NPAS3: variants seen among roughly 807,000 people sequenced by gnomAD.
NPAS3 encodes the protein neuronal PAS domain protein 3.
A neutral mutation model predicts 73.1 loss-of-function variants in NPAS3; 14 were observed. The ratio of observed to expected loss-of-function variants is 0.19; its 90% CI spans 0.13 to 0.30. The LOEUF is 0.30. Among genes scored for constraint, NPAS3 ranks in the 10% least tolerant of loss-of-function variants. The probability of loss-of-function intolerance (pLI) is 1.00; values close to 1 mark genes in which losing one functional copy is unlikely to be tolerated. For synonymous variants in NPAS3, 620 were observed against 541.5 expected (o/e 1.14, Z -2.01); for missense variants, 1,096 against 1,250.0 (o/e 0.88, Z 1.86).
chr14:33,330,615 T>C (rs1173156176), intron 3 of NPAS3, among the ~76,000 whole-genome samples: 1 of 152,228 alleles, frequency 6.6e-6, no homozygotes, highest in Non-Finnish European at 1.5e-5. Context: ...TATCTGAAAG[T>C]ATAAAATAAG....
At chr14:33,209,712 G>T (rs2046961062) in intron 2 of NPAS3, among the ~76,000 whole-genome samples, 1 of 152,182 alleles carries the variant, frequency 6.6e-6, no homozygotes, top group Non-Finnish European at 1.5e-5. Context: ...ATAAAAACCT[G>T]TCTGTCTGGC....
intron 5 of NPAS3, among the ~76,000 whole-genome samples, chr14:33,636,559 G>A (rs563450043): frequency 1.3e-3 from 195 of 152,278 alleles, no homozygotes; most frequent in African/African-American, 4.5e-3. Context: ...ACTCACTTAC[G>A]TGGTATGTGG....
intron 3 of NPAS3, among the ~76,000 whole-genome samples, chr14:33,348,278 T>C (rs1594746567): frequency 6.6e-6 from 1 of 152,250 alleles, no homozygotes; most frequent in African/African-American, 2.4e-5. Context: ...CTCTCTCCCT[T>C]CCCACCATGG....
intron 6 of NPAS3, among the ~76,000 whole-genome samples, chr14:33,729,615 T>A (rs746119281): frequency 6.6e-6 from 1 of 152,142 alleles, no homozygotes; most frequent in Non-Finnish European, 1.5e-5. Context: ...GTAGGAAGCC[T>A]CAGTTCCTTG....
intron 1 of NPAS3, among the ~76,000 whole-genome samples, chr14:32,988,222 A>G (rs2038174273): frequency 6.6e-6 from 1 of 152,268 alleles, no homozygotes; most frequent in African/African-American, 2.4e-5. Flanking sequence ...CTTAATCATG[A>G]TATAATAGAT....
rs1302480517 is a variant in NPAS3, at chr14:33,480,420, GA to G, written c.469-79697del. On this transcript the variant is annotated intron_variant, in intron 4 of 11. Transcript: ENST00000356141. ...CAAGTTACAGTCTGGGATTAGTTCTGAAAAGGCAGAAGATTTTTCTGTTCCA... is the reference window on the plus strand; with the variant it reads ...CAAGTTACAGTCTGGGATTAGTTCTGAAAGGCAGAAGATTTTTCTGTTCCA... Among the ~76,000 whole-genome samples the G allele has an allele frequency of 2.6e-5, 4 of 152,248 alleles. No individual in the cohort carries two copies. The East Asian group carries it at 7.7e-4, about 29-fold the overall frequency.
intron 1 of NPAS3, among the ~76,000 whole-genome samples, chr14:32,946,322 C>G (rs2036247502): frequency 6.9e-6 from 1 of 145,184 alleles, no homozygotes; most frequent in Admixed American, 7.2e-5. Context: ...TATTTACTCC[C>G]CCATCCCCCC....
chr14:32,942,466 T>C (rs970737254), intron 1 of NPAS3, among the ~76,000 whole-genome samples: 1 of 152,230 alleles, frequency 6.6e-6, no homozygotes, highest in African/African-American at 2.4e-5. Flanking sequence ...AGTGTCTCTT[T>C]AGAGCCTGAA....
chr14:33,540,500 A>G (rs2054462583), intron 4 of NPAS3, among the ~76,000 whole-genome samples: 1 of 152,206 alleles, frequency 6.6e-6, no homozygotes, highest in East Asian at 1.9e-4. Context: ...CAAGGAGCCT[A>G]TTTTTAAGCC....
At chr14:33,387,786 A>G (rs985106363) in intron 4 of NPAS3, among the ~76,000 whole-genome samples, 2 of 152,208 alleles carry the variant, frequency 1.3e-5, no homozygotes, top group African/African-American at 4.8e-5. Flanking sequence ...AATTCATCAA[A>G]TATTGATTTA....
chr14:33,306,471 G>A (rs959325297), intron 3 of NPAS3, among the ~76,000 whole-genome samples: 14 of 152,010 alleles, frequency 9.2e-5, no homozygotes, highest in South Asian at 4.2e-4. Context: ...CTGCAGATTC[G>A]GGCTTTATCT....
intron 3 of NPAS3, among the ~76,000 whole-genome samples, chr14:33,267,061 G>A (rs1387160534): frequency 1.3e-5 from 2 of 152,112 alleles, no homozygotes; most frequent in Admixed American, 6.5e-5. Context: ...TTACCCTGTA[G>A]TTTATGAAAT....
chr14:33,467,144 C>T (rs1167186719), intron 4 of NPAS3, among the ~76,000 whole-genome samples: 2 of 152,182 alleles, frequency 1.3e-5, no homozygotes, highest in Admixed American at 6.5e-5. Flanking sequence ...GCGCTGCTCA[C>T]TGGGGATGTG....
At chr14:33,758,505 A>G (rs2062185079) in intron 7 of NPAS3, among the ~76,000 whole-genome samples, 1 of 152,208 alleles carries the variant, frequency 6.6e-6, no homozygotes, top group Admixed American at 6.5e-5. Flanking sequence ...GACTCCTATT[A>G]AGATTTTAAA....
intron 6 of NPAS3, among the ~76,000 whole-genome samples, chr14:33,733,593 T>C (rs1472229441): frequency 6.6e-6 from 1 of 152,178 alleles, no homozygotes; most frequent in Non-Finnish European, 1.5e-5. Flanking sequence ...AGTTTGTGCT[T>C]ATATAGTGTA....
At chr14:33,295,122 A>G (rs1054496199) in intron 3 of NPAS3, among the ~76,000 whole-genome samples, 24 of 152,238 alleles carry the variant, frequency 1.6e-4, no homozygotes, top group African/African-American at 4.8e-4. Flanking sequence ...AAACGTAGCT[A>G]TGCAAAAATA....
chr14:33,141,507 A>G (rs2044042061), intron 2 of NPAS3, among the ~76,000 whole-genome samples: 1 of 152,244 alleles, frequency 6.6e-6, no homozygotes, highest in African/African-American at 2.4e-5. Context: ...GAATCACAGT[A>G]GCTACTGTTT....
At chr14:33,533,281 A>G (rs1004489342) in intron 4 of NPAS3, among the ~76,000 whole-genome samples, 1 of 152,198 alleles carries the variant, frequency 6.6e-6, no homozygotes, top group African/African-American at 2.4e-5. Flanking sequence ...TAACCAAACT[A>G]TATAAAGAGA....
chr14:33,149,188 A>G (rs1042837514), intron 2 of NPAS3, among the ~76,000 whole-genome samples: 1 of 152,230 alleles, frequency 6.6e-6, no homozygotes, highest in African/African-American at 2.4e-5. Context: ...TTATCCATCA[A>G]TATAGGAATA....
Sources: allele counts gnomAD v4.1 joint callset (sites outside exome capture counted in the v4.1 genomes callset), GRCh38; gene constraint gnomAD v4.1.1; transcripts MANE v1.5; gene names NCBI Gene and HGNC (gene_info 2026-07-23, HGNC 2026-07-21).